The following ZNF517 variants were observed in gnomAD, a reference collection of about 807,000 sequenced individuals.
ZNF517 encodes zinc finger protein 517.
In ZNF517, 12 loss-of-function variants were observed where a neutral mutation model predicts 12.1. That is an observed-to-expected ratio of 0.99 (90% CI 0.63 to 1.61). The LOEUF (loss-of-function observed/expected upper bound fraction) is 1.61, where lower values mean the gene tolerates loss of function less well. Among genes scored for constraint, ZNF517 ranks in the 40% most tolerant of loss-of-function variants. The pLI, the probability that ZNF517 is intolerant of heterozygous loss-of-function variation, is 0.00. For synonymous variants in ZNF517, 388 were observed against 310.2 expected, an observed-to-expected ratio of 1.25 and a Z score of -2.63; for missense variants, 781 against 693.2, an observed-to-expected ratio of 1.13 and a Z score of -1.42.
intron 4 of ZNF517, among the ~76,000 whole-genome samples, chr8:144,806,764 C>T (rs892582817): frequency 6.6e-6 from 1 of 152,106 alleles, no homozygotes; most frequent in Non-Finnish European, 1.5e-5. Flanking sequence ...AGATTAGAGG[C>T]GTGAGCCACT....
At chr8:144,806,293 C>G (rs1257249176) in intron 4 of ZNF517, among the ~76,000 whole-genome samples, 1 of 152,162 alleles carries the variant, frequency 6.6e-6, no homozygotes, top group Non-Finnish European at 1.5e-5. Flanking sequence ...TGGGTGAACT[C>G]TGAAGGAGAG....
chr8:144,808,080 C>G lies in ZNF517; in HGVS notation c.1164C>G (p.Arg388=). ...RHNSLLLLHL[R]LHTGEKPFEC... ...ACTCCCTGCTGCTGCTGCACCTGCG[C>G]CTACACACGGGCGAGAAGCCGTTCG... Residue 388 remains arginine, a synonymous_variant, in exon 5 of 5, where the codon CGC becomes CGG. Coordinates refer to ENST00000359971, the MANE Select transcript of ZNF517 (RefSeq NM_213605.3). 6.2e-7 allele frequency: 1 copy of G among 1,610,008 alleles called. No individual in the cohort carries two copies. Among genetic ancestry groups the G allele is most frequent in the South Asian group, 1.1e-5 (1 of 90,548 alleles).
Position 144,807,904 on chromosome 8 carries a change from T to A in ZNF517, c.988T>A (p.Ser330Thr). 1 of 1,531,532 alleles carries A rather than the reference T, an allele frequency of 6.5e-7. No homozygotes were observed. Among genetic ancestry groups the A allele is most frequent in the Non-Finnish European group, 8.7e-7 (1 of 1,143,944 alleles). 94.9% of individuals were successfully genotyped at this position (1,531,532 alleles called of 1,614,324 possible). The change falls in exon 5 of 5, where the codon TCC (serine) becomes ACC (threonine). Residue 330 changes from serine to threonine, a missense_variant. Physicochemically the swap from Ser to Thr is moderately conservative, Grantham distance 58. Transcript: ENST00000359971. ...GTGTGGGCAGCGCTTCATCCGAGGG[T>A]CCTCGCTCCTGAAGCACCACCGGCT... ...LRCGQRFIRG[S>T]SLLKHHRLHA...
chr8:144,806,853 G>T (rs1004030472), intron 4 of ZNF517, among the ~76,000 whole-genome samples: 1 of 152,144 alleles, frequency 6.6e-6, no homozygotes, highest in Non-Finnish European at 1.5e-5. Flanking sequence ...CAAAGACTCT[G>T]TCTTCACTTG....
In ZNF517 at chr8:144,809,173, A is replaced by AG. The variant is rs1419096999; in HGVS notation, c.*779dup. ...AAAAAAAAGCCTAGATGGCTGGTGG[A>AG]GCTCTATCTATCTATCTATCTATCT... On this transcript the variant is annotated 3_prime_UTR_variant, in exon 5 of 5. Coordinates refer to ENST00000359971, the MANE Select transcript of ZNF517 (RefSeq NM_213605.3). 3.2e-5 allele frequency: 4 copies of AG among 125,408 alleles called. No individual in the cohort carries two copies. The highest frequency in any genetic ancestry group is 2.8e-4 in the South Asian group (1 of 3,622). The allele number at this position is 125,408 out of a possible 1,614,324, so 7.8% of individuals were successfully genotyped here.
intron 4 of ZNF517, among the ~76,000 whole-genome samples, chr8:144,806,898 G>C (rs2130447681): frequency 6.6e-6 from 1 of 151,880 alleles, no homozygotes; most frequent in African/African-American, 2.4e-5. Context: ...GATGTTTATT[G>C]AATCATGTTG....
chr8:144,812,634 A>G (rs1207243241), downstream of ZNF517, among the ~76,000 whole-genome samples: 1 of 152,250 alleles, frequency 6.6e-6, no homozygotes, highest in Admixed American at 6.5e-5. Context: ...CAGGAGACTC[A>G]GGCATGGACC....
chr8:144,807,077 A>G, intron 4 of ZNF517, 114 bp from the exon 5 acceptor site: 1 of 1,366,382 alleles, frequency 7.3e-7, no homozygotes, highest in African/African-American at 1.5e-5. Context: ...ATACCTCAGT[A>G]AAGCTGGGTG....
At position 144,807,894 on chromosome 8, in the gene ZNF517, C is replaced by T. The variant is rs1827345851; in HGVS notation, c.978C>T (p.Phe326=). 1 of 1,543,278 alleles carries T rather than the reference C, an allele frequency of 6.5e-7. No homozygotes were observed. Among genetic ancestry groups the T allele is most frequent in the East Asian group, 2.3e-5 (1 of 43,970 alleles). ...GGTGCCTGCGGTGTGGGCAGCGCTTCATCCGAGGGTCCTCGCTCCTGAAGC... is the reference window on the plus strand; with the variant it reads ...GGTGCCTGCGGTGTGGGCAGCGCTTTATCCGAGGGTCCTCGCTCCTGAAGC... ...PYRCLRCGQR[F]IRGSSLLKHH... The change falls in exon 5 of 5, where the codon TTC becomes TTT. Residue 326 remains phenylalanine (F), a synonymous_variant. Coordinates refer to ENST00000359971, the MANE Select transcript of ZNF517 (RefSeq NM_213605.3).
Position 144,807,422 on chromosome 8 carries a change from G to T in ZNF517, c.506G>T (p.Arg169Leu), listed in dbSNP as rs866213866. 5.1e-6 allele frequency: 8 copies of T among 1,567,760 alleles called. No individual in the cohort carries two copies. The highest frequency in any genetic ancestry group is 6.1e-6 in the Non-Finnish European group (7 of 1,156,938). The change falls in exon 5 of 5, where the codon CGG becomes CTG. Residue 169 changes from arginine to leucine, a missense_variant. Physicochemically the swap from Arg to Leu is moderately radical, Grantham distance 102. Transcript: ENST00000359971. ...AGGGTTCTGCAGGAAGACCTGGGCC[G>T]GCCTGTGGGGAGCTCAGCCCCCCGC... is the stretch of plus-strand genomic sequence containing the variant. The part of the protein sequence containing the change: ...SPRVLQEDLG[R>L]PVGSSAPRYR...
At chr8:144,810,589 C>T (rs1827526238), downstream of ZNF517, 1 of 215,744 alleles carries the variant, frequency 4.6e-6, no homozygotes, top group Non-Finnish European at 9.2e-6. Context: ...AAGGTCAGGG[C>T]CAGCCTGGGG....
At chr8:144,799,006 G>A (rs1826797771) in intron 1 of ZNF517, 69 bp downstream of exon 1, 1 of 152,190 alleles carries the variant, frequency 6.6e-6, no homozygotes, top group Non-Finnish European at 1.5e-5. Context: ...CCTGGTGGAG[G>A]CTGTAGCCCC....
chr8:144,801,615 C>A (rs1826965929), intron 1 of ZNF517, among the ~76,000 whole-genome samples: 1 of 152,188 alleles, frequency 6.6e-6, no homozygotes, highest in Non-Finnish European at 1.5e-5. Flanking sequence ...GTAGCTGAGA[C>A]TACAGGTGCC....
In ZNF517 at chr8:144,803,755, C is replaced by G. The variant is rs1235582215; in HGVS notation, c.148C>G (p.Leu50Val). 1.2e-6 allele frequency: 2 copies of G among 1,613,922 alleles called. No homozygotes were observed. The highest frequency in any genetic ancestry group is 2.2e-5 in the East Asian group (1 of 44,888). Residue 50 changes from leucine (L) to valine (V), a missense_variant, in exon 3 of 5, where the codon CTG (leucine) becomes GTG (valine). Leu to Val is a conservative substitution (Grantham distance 32, BLOSUM62 1). Transcript: ENST00000359971. ...CGTGATGCTGGAGAACTATGGGAAC[C>G]TGGCCTCACTAGGTGAGGGCTTCTG... ...RDVMLENYGN[L>V]ASLGFLVAKP...
At chr8:144,799,730 GGA>G (rs1345284774) in intron 1 of ZNF517, among the ~76,000 whole-genome samples, 1 of 152,146 alleles carries the variant, frequency 6.6e-6, no homozygotes. Flanking sequence ...CACGAGGTCA[GGA>G]GATCGAGACC....
At position 144,804,096 on chromosome 8, in the gene ZNF517, T is replaced by TA. The variant is rs756679233; in HGVS notation, c.161-28dup. On this transcript the variant is annotated intron_variant, in intron 3 of 4. Coordinates refer to ENST00000359971, the MANE Select transcript of ZNF517 (RefSeq NM_213605.3). ...GCGTCCCTTCTCCCTCCTGTACTGA[T>TA]ACGTGCTGCTTTCCTTCTCTGAGCT... The TA allele has an allele frequency of 6.2e-6, 10 of 1,607,300 alleles. No homozygotes were observed. The Admixed American group carries it at 1.7e-4, about 27-fold the overall frequency.
chr8:144,801,920 C>T (rs1228235700), intron 1 of ZNF517, among the ~76,000 whole-genome samples: 1 of 152,046 alleles, frequency 6.6e-6, no homozygotes, highest in Admixed American at 6.6e-5. Context: ...GTAGTTCCAG[C>T]TACTCGGGAG....
Position 144,809,285 on chromosome 8 carries a change from G to A in ZNF517, c.*890G>A, listed in dbSNP as rs947453465. 3 of 152,216 alleles carry A rather than the reference G, an allele frequency of 2.0e-5. No individual in the cohort carries two copies. The highest frequency in any genetic ancestry group is 6.5e-5 in the Admixed American group (1 of 15,272). The allele number at this position is 152,216 out of a possible 1,614,324, so 9.4% of individuals were successfully genotyped here. A position where few individuals can be genotyped will look rare whatever the true frequency, so the allele number is the denominator to read the frequency against. On this transcript the variant is annotated 3_prime_UTR_variant, in exon 5 of 5. Coordinates refer to ENST00000359971, the MANE Select transcript of ZNF517 (RefSeq NM_213605.3). The stretch of plus-strand genomic sequence containing the variant: ...GGCTTACTGCAGCCTCCAGCTCCCA[G>A]GCTCAAGCGTTTCTCCCACCTTAGC...
intron 1 of ZNF517, 53 bp from the exon 2 acceptor site, chr8:144,802,817 C>G: frequency 6.2e-7 from 1 of 1,603,162 alleles, no homozygotes; most frequent in South Asian, 1.1e-5. Flanking sequence ...TTCTGGGGGG[C>G]TGGAGGGCCT....
Sources: allele counts gnomAD v4.1 joint callset (sites outside exome capture counted in the v4.1 genomes callset), GRCh38; gene constraint gnomAD v4.1.1; transcripts MANE v1.5; gene names NCBI Gene and HGNC (gene_info 2026-07-23, HGNC 2026-07-21).